EVI5: variants seen among roughly 807,000 people sequenced by gnomAD.
EVI5 encodes the protein ecotropic viral integration site 5 protein homolog.
In EVI5, 73 loss-of-function variants were observed where a neutral mutation model predicts 112.0. The observed-to-expected ratio is 0.65, with a 90% CI of 0.54 to 0.79. The LOEUF (loss-of-function observed/expected upper bound fraction) is 0.79. Ranked by LOEUF, EVI5 falls within the 30% of genes least tolerant of loss-of-function variation. The pLI is 0.00. For synonymous variants in EVI5, 305 were observed against 319.9 expected (o/e 0.95, Z 0.50); for missense variants, 900 against 968.8 (o/e 0.93, Z 0.94).
chr1:92,716,288 G>C (rs1015052493), intron 2 of EVI5, among the ~76,000 whole-genome samples: 1 of 152,198 alleles, frequency 6.6e-6, no homozygotes, highest in African/African-American at 2.4e-5. Flanking sequence ...AGCAATATTT[G>C]CTGTTCTGCA....
chr1:92,687,017 T>C (rs967981656), intron 9 of EVI5, among the ~76,000 whole-genome samples: 2 of 152,202 alleles, frequency 1.3e-5, no homozygotes, highest in African/African-American at 4.8e-5. Context: ...ACTGGTTTTC[T>C]TCACAGAATT....
intron 19 of EVI5, among the ~76,000 whole-genome samples, chr1:92,538,740 G>A (rs971197488): frequency 3.3e-5 from 5 of 152,218 alleles, no homozygotes; most frequent in African/African-American, 1.2e-4. Flanking sequence ...GAAGGAGGAA[G>A]ATGATGATGT....
At chr1:92,683,366 C>T (rs1207534337) in intron 9 of EVI5, among the ~76,000 whole-genome samples, 1 of 152,108 alleles carries the variant, frequency 6.6e-6, no homozygotes, top group Non-Finnish European at 1.5e-5. Flanking sequence ...GAAATCGCAT[C>T]ATCAACAAAA....
intron 13 of EVI5, among the ~76,000 whole-genome samples, chr1:92,642,809 G>C (rs1459844699): frequency 4.5e-5 from 1 of 22,398 alleles, no homozygotes; most frequent in Non-Finnish European, 7.8e-5. Flanking sequence ...CTCCCATTAA[G>C]TACTTCCTAG....
chr1:92,535,172 C>T (rs1020918489), intron 19 of EVI5, among the ~76,000 whole-genome samples: 41 of 152,090 alleles, frequency 2.7e-4, no homozygotes, highest in African/African-American at 9.7e-4. Context: ...AAAAGCTAAT[C>T]ATCACTGGTC....
chr1:92,773,788 C>A (rs1436893357), intron 1 of EVI5: 1 of 152,146 alleles, frequency 6.6e-6, no homozygotes, highest in Non-Finnish European at 1.5e-5. Context: ...ACTTTGGGAG[C>A]CTGAGGCAGA....
chr1:92,735,618 TATATG>T (rs1455209148), intron 2 of EVI5, among the ~76,000 whole-genome samples: 185 of 142,708 alleles, frequency 1.3e-3, no homozygotes, highest in Middle Eastern at 3.6e-3. Context: ...TATATATAAT[TATATG>T]ATATATGATA....
intron 16 of EVI5, among the ~76,000 whole-genome samples, chr1:92,622,576 T>C (rs2101758928): frequency 6.6e-6 from 1 of 152,368 alleles, no homozygotes; most frequent in Non-Finnish European, 1.5e-5. Context: ...ACAAATTTCT[T>C]AATCTAAATA....
At chr1:92,791,087 C>G (rs1686060898) in intron 1 of EVI5, among the ~76,000 whole-genome samples, 1 of 152,174 alleles carries the variant, frequency 6.6e-6, no homozygotes, top group Non-Finnish European at 1.5e-5. Flanking sequence ...GCCCAAAAAA[C>G]TTTCGAAATT....
chr1:92,526,255 T>C (rs1661854908), intron 19 of EVI5, among the ~76,000 whole-genome samples: 1 of 152,134 alleles, frequency 6.6e-6, no homozygotes, highest in Non-Finnish European at 1.5e-5. Context: ...GATGAGGTCT[T>C]GATATGTTGC....
chr1:92,583,593 T>C (rs895187828), intron 18 of EVI5, among the ~76,000 whole-genome samples: 20 of 145,068 alleles, frequency 1.4e-4, no homozygotes, highest in African/African-American at 4.4e-4. Context: ...AAATCTAAAA[T>C]AGAAGGAAAA....
At chr1:92,523,382 A>G (rs1661288812) in intron 19 of EVI5, among the ~76,000 whole-genome samples, 1 of 152,140 alleles carries the variant, frequency 6.6e-6, no homozygotes, top group South Asian at 2.1e-4. Flanking sequence ...ATTTTTAAAT[A>G]ACAACCTTGG....
intron 19 of EVI5, among the ~76,000 whole-genome samples, chr1:92,553,590 C>T (rs1417126517): frequency 6.6e-6 from 1 of 152,010 alleles, no homozygotes; most frequent in African/African-American, 2.4e-5. Context: ...CGTGAGCCAC[C>T]GTGCCCAGCC....
chr1:92,660,383 A>G (rs113713000), intron 13 of EVI5, among the ~76,000 whole-genome samples: 3 of 152,158 alleles, frequency 2.0e-5, no homozygotes, highest in African/African-American at 7.2e-5. Flanking sequence ...TTGATCTCAT[A>G]GAAACTGAGA....
intron 1 of EVI5, among the ~76,000 whole-genome samples, chr1:92,771,353 A>C (rs1364457549): frequency 1.3e-5 from 2 of 151,228 alleles, no homozygotes; most frequent in Non-Finnish European, 2.9e-5. Flanking sequence ...TACTTCCTTT[A>C]CTCCCAGTTA....
chr1:92,742,675 CA>C (rs1308447080), intron 1 of EVI5, among the ~76,000 whole-genome samples: 21 of 133,722 alleles, frequency 1.6e-4, no homozygotes, highest in Admixed American at 3.7e-4. Context: ...CTCTGTCTCA[CA>C]AAAAAAAAAA....
At chr1:92,792,275 A>G (rs1686155050) in intron 1 of EVI5, 1 of 991,354 alleles carries the variant, frequency 1.0e-6, no homozygotes, top group Non-Finnish European at 1.6e-6. Flanking sequence ...ATAACAAATT[A>G]CTTTCTGTTA....
At chr1:92,752,786 T>C (rs906903702) in intron 1 of EVI5, among the ~76,000 whole-genome samples, 2 of 152,126 alleles carry the variant, frequency 1.3e-5, no homozygotes, top group Non-Finnish European at 2.9e-5. Context: ...GCCGGTGTCA[T>C]AGTATTGGGT....
At chr1:92,625,253 T>C (rs1181791863) in intron 15 of EVI5, among the ~76,000 whole-genome samples, 5 of 152,192 alleles carry the variant, frequency 3.3e-5, no homozygotes, top group Admixed American at 6.5e-5. Context: ...TGTCAAAACA[T>C]GTTTTAAAAA....
Sources: allele counts gnomAD v4.1 joint callset (sites outside exome capture counted in the v4.1 genomes callset), GRCh38; gene constraint gnomAD v4.1.1; transcripts MANE v1.5; gene names NCBI Gene and HGNC (gene_info 2026-07-23, HGNC 2026-07-21).